The following SCML2 variants were observed in gnomAD, a reference collection of about 807,000 sequenced individuals.
SCML2 encodes the protein Scm polycomb group protein like 2.
Under a neutral mutation model 48.4 loss-of-function variants are expected in SCML2, and 6 were observed. That is an observed-to-expected ratio of 0.12 (90% CI 0.07 to 0.24). The LOEUF is 0.24. SCML2 is among the 10% of genes least tolerant of loss of function. The pLI is 1.00. For synonymous variants in SCML2, 181 were observed against 189.5 expected (o/e 0.95, Z 0.37); for missense variants, 377 against 528.2 (o/e 0.71, Z 2.81).
chrX:18,340,850 T>C (rs190669691), intron 1 of SCML2, among the ~76,000 whole-genome samples: 285 of 109,071 alleles, frequency 2.6e-3, no homozygotes, highest in African/African-American at 8.8e-3. Flanking sequence ...TAAAATGTGA[T>C]AAACAATAAG....
Position 18,305,010 on chromosome X carries a change from C to A in SCML2, c.692G>T (p.Arg231Leu), listed in dbSNP as rs775925712. Residue 231 changes from arginine to leucine, a missense_variant, in exon 7 of 15, where the codon CGC becomes CTC. By Grantham distance (102) the Arg-to-Leu change is moderately radical. Around this residue, in one of 3 missense-constraint regions of SCML2, gnomAD observed 299 missense variants for 425.5 expected, o/e 0.70. Coordinates refer to ENST00000251900, the MANE Select transcript of SCML2 (RefSeq NM_006089.3). ...SRDIFPAGWCRLTGDVLQPPG... is the reference protein window; with the variant it reads ...SRDIFPAGWCLLTGDVLQPPG... ...GGGTTGTAATACATCTCCTGTCAGG[C>A]GACACCACCCAGCTGGGAAAATATC... 6 of 1,208,493 alleles carry A rather than the reference C, an allele frequency of 5.0e-6. No homozygotes were observed. Among genetic ancestry groups the A allele is most frequent in the Middle Eastern group, 2.3e-4 (1 of 4,376 alleles).
intron 7 of SCML2, among the ~76,000 whole-genome samples, chrX:18,296,799 T>C (rs964840254): frequency 9.0e-6 from 1 of 111,455 alleles, no homozygotes; most frequent in African/African-American, 3.3e-5. Context: ...ATCAGATGAC[T>C]TCACTGCTAA....
intron 7 of SCML2, among the ~76,000 whole-genome samples, chrX:18,287,576 T>C (rs2147505937): frequency 8.9e-6 from 1 of 112,087 alleles, no homozygotes; most frequent in African/African-American, 3.2e-5. Context: ...CTGTATTTTG[T>C]TTAAGAAACA....
At chrX:18,290,807 C>T (rs1428540938) in intron 7 of SCML2, among the ~76,000 whole-genome samples, 1 of 111,309 alleles carries the variant, frequency 9.0e-6, no homozygotes, top group Non-Finnish European at 1.9e-5. Context: ...AAATTTTTCA[C>T]ATAGCCTTCA....
rs745683415 is a variant in SCML2 at position 18,265,667 on chromosome X, G to C, written c.866C>G (p.Pro289Arg). ...CCTTTTGGGGACTGCAGTAGGTCCA[G>C]GTGGTTTAATTCGACTTGATCTCCT... Reference protein sequence around the residue: ...QVRRSSRIKPPGPTAVPKRSS... With the variant: ...QVRRSSRIKPRGPTAVPKRSS... Residue 289 changes from proline to arginine, a missense_variant, in exon 8 of 15, where the codon CCT becomes CGT. Transcript: ENST00000251900. 1 of 1,211,198 alleles carries C rather than the reference G, an allele frequency of 8.3e-7. No individual in the cohort carries two copies. The highest frequency in any genetic ancestry group is 3.0e-5 in the East Asian group (1 of 33,834).
At chrX:18,322,333 G>A (rs1158390478) in intron 5 of SCML2, among the ~76,000 whole-genome samples, 1 of 111,873 alleles carries the variant, frequency 8.9e-6, no homozygotes, top group Non-Finnish European at 1.9e-5. Context: ...ATCTAGTTAT[G>A]TATTTGAAAT....
intron 6 of SCML2, among the ~76,000 whole-genome samples, chrX:18,312,763 T>C (rs986816176): frequency 3.6e-5 from 4 of 111,415 alleles, no homozygotes; most frequent in Non-Finnish European, 7.5e-5. Context: ...GTTTGAGATG[T>C]CCATCAGACA....
chrX:18,284,847 C>A (rs1026327842), intron 7 of SCML2, among the ~76,000 whole-genome samples: 2 of 111,737 alleles, frequency 1.8e-5, no homozygotes, highest in Non-Finnish European at 3.8e-5. Flanking sequence ...TCAAGACCAG[C>A]CTGACCAACA....
chrX:18,293,137 T>C (rs1928287970), intron 7 of SCML2, among the ~76,000 whole-genome samples: 1 of 112,061 alleles, frequency 8.9e-6, no homozygotes, highest in African/African-American at 3.2e-5. Flanking sequence ...AAAATTGTTA[T>C]GTTAAAAATT....
At chrX:18,306,075 A>C (rs902317235) in intron 6 of SCML2, among the ~76,000 whole-genome samples, 5 of 111,631 alleles carry the variant, frequency 4.5e-5, no homozygotes, top group South Asian at 3.8e-4. Flanking sequence ...AGAGAAAAGA[A>C]AAGAATTTAA....
chrX:18,338,688 G>C (rs1354456100), intron 1 of SCML2, among the ~76,000 whole-genome samples: 1 of 108,297 alleles, frequency 9.2e-6, no homozygotes, highest in Non-Finnish European at 1.9e-5. Flanking sequence ...CAAGGCAGGA[G>C]GATTGCTTGA....
intron 7 of SCML2, among the ~76,000 whole-genome samples, chrX:18,284,638 A>G (rs1162450032): frequency 2.7e-5 from 3 of 112,660 alleles, no homozygotes; most frequent in Non-Finnish European, 3.7e-5. Context: ...ATGGCCAACA[A>G]ACATGAAAAA....
chrX:18,308,761 A>T (rs1196756428), intron 6 of SCML2, among the ~76,000 whole-genome samples: 1 of 112,108 alleles, frequency 8.9e-6, no homozygotes, highest in Non-Finnish European at 1.9e-5. Context: ...CTGCACTCCC[A>T]TGTTTACTGC....
At position 18,240,022 on chromosome X, in the gene SCML2, G is replaced by T. The variant is rs970528407; in HGVS notation, c.*1229C>A. 1.8e-5 allele frequency: 2 copies of T among 112,188 alleles called. No individual in the cohort carries two copies. Among genetic ancestry groups the T allele is most frequent in the African/African-American group, 6.5e-5 (2 of 30,824 alleles). 9.2% of individuals were successfully genotyped at this position (112,188 alleles called of 1,213,427 possible). On this transcript the variant is annotated 3_prime_UTR_variant, in exon 15 of 15. Coordinates refer to ENST00000251900, the MANE Select transcript of SCML2 (RefSeq NM_006089.3). The stretch of plus-strand genomic sequence containing the variant: ...AAATAAAGCCCCAAACAATAAGTCA[G>T]AACTAATATATCTTTCAAAGTGTAG...
chrX:18,292,337 A>G (rs988952183), intron 7 of SCML2, among the ~76,000 whole-genome samples: 7 of 111,714 alleles, frequency 6.3e-5, no homozygotes, highest in African/African-American at 1.9e-4. Context: ...ATACAAAGAC[A>G]TATACATAAA....
intron 7 of SCML2, among the ~76,000 whole-genome samples, chrX:18,277,004 A>G (rs1246893973): frequency 9.6e-6 from 1 of 104,252 alleles, no homozygotes; most frequent in Non-Finnish European, 2.0e-5. Flanking sequence ...CACCACATCT[A>G]AAAAAAAAAA....
At chrX:18,258,313 T>C in intron 9 of SCML2, 66 bp from the exon 10 acceptor site, 2 of 834,424 alleles carry the variant, frequency 2.4e-6, no homozygotes, top group South Asian at 2.4e-5. Context: ...GTGAAAACAC[T>C]ACATAATCAA....
Position 18,260,302 on chromosome X carries a change from C to T in SCML2, c.949-11G>A, listed in dbSNP as rs1172669657. 8.6e-7 allele frequency: 1 copy of T among 1,169,375 alleles called. No individual in the cohort carries two copies. Among genetic ancestry groups the T allele is most frequent in the Non-Finnish European group, 1.1e-6 (1 of 871,978 alleles). ...GGGCAAAGGTTTTTCCTGTTAAAAA[C>T]AAAGGGAAAAAAACACAAGTATACA... On this transcript the variant is annotated splice_polypyrimidine_tract_variant and intron_variant, in intron 8 of 14. Coordinates refer to ENST00000251900, the MANE Select transcript of SCML2 (RefSeq NM_006089.3).
At chrX:18,250,068 A>G (rs1193539744) in intron 11 of SCML2, among the ~76,000 whole-genome samples, 1 of 109,942 alleles carries the variant, frequency 9.1e-6, no homozygotes, top group Non-Finnish European at 1.9e-5. Context: ...TCTGATTTCC[A>G]GAGTTGCCAT....
Sources: gnomAD v4.1 joint callset for allele counts (sites outside exome capture counted in the v4.1 genomes callset) on GRCh38, gnomAD v4.1.1 for gene constraint, gnomAD v4.1.1 regional missense constraint, MANE v1.5 for transcripts, NCBI Gene and HGNC (gene_info 2026-07-23, HGNC 2026-07-21) for gene names.